PDE11A: variants seen among roughly 807,000 people sequenced by gnomAD.
The protein encoded by PDE11A is phosphodiesterase 11A, also known as dual 3',5'-cyclic-AMP and -GMP phosphodiesterase 11A.
A neutral mutation model predicts 100.5 loss-of-function variants in PDE11A; 100 were observed. That is an observed-to-expected ratio of 1.00 (90% confidence interval 0.85 to 1.18). The LOEUF (loss-of-function observed/expected upper bound fraction) is 1.18, where lower values mean the gene tolerates loss of function less well. Ranked by LOEUF, PDE11A falls within the 50% of genes most tolerant of loss-of-function variation. The probability of loss-of-function intolerance (pLI) is 0.00; values close to 1 mark genes in which losing one functional copy is unlikely to be tolerated. For missense variants in PDE11A, 1,141 were observed against 1,152.6 expected, an observed-to-expected ratio of 0.99 and a Z score of 0.15; for synonymous variants, 381 against 420.8, an observed-to-expected ratio of 0.91 and a Z score of 1.16.
At chr2:177,787,768 A>C (rs375581478) in intron 9 of PDE11A, among the ~76,000 whole-genome samples, 1 of 152,048 alleles carries the variant, frequency 6.6e-6, no homozygotes. Context: ...CTTTAAACCA[A>C]CAAAGATCAA....
chr2:178,072,115 C>A lies in PDE11A; in HGVS notation c.323G>T (p.Gly108Val), dbSNP rs1327881275. Residue 108 changes from glycine (G) to valine (V), a missense_variant, in exon 1 of 20, where the codon GGC (glycine) becomes GTC (valine). Gly to Val is a moderately radical substitution (Grantham distance 109). Transcript: ENST00000286063. ...AGCTCTCCGCTGCAGGTTCCCATCG[C>A]CCCTGCTGCCACCGGCCCAGCTGGG... ...LSPSWAGGSRGDGNLQRRASQ... is the reference protein window; with the variant it reads ...LSPSWAGGSRVDGNLQRRASQ... The A allele has an allele frequency of 1.9e-6, 3 of 1,613,606 alleles. No homozygotes were observed. The Admixed American group carries it at 5.0e-5, about 27-fold the overall frequency.
chr2:177,650,296 C>A (rs2080288879), intron 19 of PDE11A, among the ~76,000 whole-genome samples: 1 of 152,218 alleles, frequency 6.6e-6, no homozygotes, highest in South Asian at 2.1e-4. Context: ...CTGCAGGCAA[C>A]TGTGATTCTG....
intron 1 of PDE11A, among the ~76,000 whole-genome samples, chr2:178,022,345 G>A (rs1180174832): frequency 5.3e-5 from 8 of 152,180 alleles, no homozygotes; most frequent in South Asian, 2.1e-4. Context: ...AGTGAGGAAC[G>A]CAGTAAGGAA....
At position 177,955,853 on chromosome 2, in the gene PDE11A, A is replaced by C. The variant is rs376600978; in HGVS notation, c.1072-50666T>G. On this transcript the variant is annotated intron_variant, in intron 2 of 19. Coordinates refer to ENST00000286063, the MANE Select transcript of PDE11A (RefSeq NM_016953.4). ...AAATGGTGCTGGGAAAACTGGCTAG[A>C]CATATGTAGAAAGCTGAAACTGGAT... Among the ~76,000 whole-genome samples, 27 of 152,254 alleles carry C rather than the reference A, an allele frequency of 1.8e-4. No homozygotes were observed. The South Asian group carries it at 1.9e-3, about 11-fold the overall frequency.
chr2:178,023,428 T>C (rs907034664), intron 1 of PDE11A, among the ~76,000 whole-genome samples: 8 of 152,206 alleles, frequency 5.3e-5, no homozygotes, highest in Non-Finnish European at 8.8e-5. Context: ...GATTCAGAGT[T>C]GAGAATCTTA....
intron 2 of PDE11A, among the ~76,000 whole-genome samples, chr2:177,982,411 C>A (rs1379855052): frequency 6.6e-6 from 1 of 150,528 alleles, no homozygotes; most frequent in African/African-American, 2.4e-5. Flanking sequence ...TCTAACATTG[C>A]AATCATGGGT....
chr2:178,070,690 C>T (rs1177576000), intron 1 of PDE11A, among the ~76,000 whole-genome samples: 1 of 152,110 alleles, frequency 6.6e-6, no homozygotes, highest in Non-Finnish European at 1.5e-5. Flanking sequence ...GCTCAGAAAA[C>T]CCAGATGAGA....
At chr2:178,074,741 A>G (rs1388962314), upstream of PDE11A, among the ~76,000 whole-genome samples, 1 of 152,180 alleles carries the variant, frequency 6.6e-6, no homozygotes, top group Non-Finnish European at 1.5e-5. Context: ...GAATACTGGG[A>G]AGGATGGGGA....
At chr2:178,077,256 CTTTCTTTTTTTTTT>C (rs2087219054), upstream of PDE11A, among the ~76,000 whole-genome samples, 1 of 66,302 alleles carries the variant, frequency 1.5e-5, no homozygotes, top group East Asian at 4.5e-4. Flanking sequence ...TCTTTTCTTT[CTTTCTTTTTTTTTT>C]TTTTTTTTTT....
At chr2:177,650,179 G>A (rs766062189) in intron 19 of PDE11A, among the ~76,000 whole-genome samples, 5 of 152,106 alleles carry the variant, frequency 3.3e-5, no homozygotes, top group Admixed American at 6.6e-5. Flanking sequence ...TCTGAAAAGC[G>A]ATCGATGTCT....
intron 12 of PDE11A, among the ~76,000 whole-genome samples, chr2:177,716,813 T>C (rs1055288334): frequency 6.6e-6 from 1 of 152,220 alleles, no homozygotes; most frequent in African/African-American, 2.4e-5. Flanking sequence ...GTAATTTGAC[T>C]AGAAATTTAA....
intron 10 of PDE11A, among the ~76,000 whole-genome samples, chr2:177,751,105 A>G (rs2082019300): frequency 6.8e-6 from 1 of 147,968 alleles, no homozygotes; most frequent in Admixed American, 6.9e-5. Context: ...CCCCTTTCTA[A>G]TGCATAGAGT....
At chr2:178,004,827 A>G (rs2086185802) in intron 2 of PDE11A, among the ~76,000 whole-genome samples, 1 of 152,120 alleles carries the variant, frequency 6.6e-6, no homozygotes, top group Non-Finnish European at 1.5e-5. Flanking sequence ...TATGATGCAT[A>G]TCTACAGCCT....
rs983859593 is a variant in PDE11A, at chr2:178,072,776, C to G, written c.-339G>C. 1.9e-5 allele frequency: 24 copies of G among 1,260,286 alleles called. No homozygotes were observed. The highest frequency in any genetic ancestry group is 2.1e-5 in the Non-Finnish European group (21 of 990,522). 78.1% of individuals were successfully genotyped at this position (1,260,286 alleles called of 1,614,324 possible). ...GCTGCTGCTGGAACTGCTGCTGTAA[C>G]CGGATGAGTGGACCGCTGTGACAGG... On this transcript the variant is annotated 5_prime_UTR_variant, in exon 1 of 20. Coordinates refer to ENST00000286063, the MANE Select transcript of PDE11A (RefSeq NM_016953.4).
At chr2:177,701,462 C>T (rs898987714) in intron 13 of PDE11A, among the ~76,000 whole-genome samples, 1 of 152,078 alleles carries the variant, frequency 6.6e-6, no homozygotes, top group Non-Finnish European at 1.5e-5. Context: ...ATGAATTTGA[C>T]ACAGTCTCTG....
intron 10 of PDE11A, among the ~76,000 whole-genome samples, chr2:177,741,484 G>C (rs2081870771): frequency 6.6e-6 from 1 of 152,152 alleles, no homozygotes; most frequent in African/African-American, 2.4e-5. Flanking sequence ...GTCCATAACA[G>C]ACAGTTATCA....
chr2:177,964,776 G>A (rs145702427), intron 2 of PDE11A, among the ~76,000 whole-genome samples: 2 of 152,214 alleles, frequency 1.3e-5, no homozygotes, highest in East Asian at 3.9e-4. Context: ...CATCACTGAT[G>A]GACATTTAAG....
intron 15 of PDE11A, among the ~76,000 whole-genome samples, chr2:177,684,907 T>C (rs763242890): frequency 3.3e-5 from 5 of 152,170 alleles, no homozygotes; most frequent in Non-Finnish European, 5.9e-5. Flanking sequence ...AGGGTGTCCT[T>C]GGAGCACAGA....
chr2:178,074,240 A>G (rs1198452639), upstream of PDE11A, among the ~76,000 whole-genome samples: 1 of 151,640 alleles, frequency 6.6e-6, no homozygotes, highest in African/African-American at 2.4e-5. Flanking sequence ...GCTAATGTGT[A>G]TGAGTTTTTT....
Sources: allele counts gnomAD v4.1 joint callset (sites outside exome capture counted in the v4.1 genomes callset), GRCh38; gene constraint gnomAD v4.1.1; transcripts MANE v1.5; gene names NCBI Gene and HGNC (gene_info 2026-07-23, HGNC 2026-07-21).